The following FANCB variants were observed in gnomAD, a reference collection of about 807,000 sequenced individuals.
FANCB encodes Fanconi anemia group B protein.
In FANCB, 5 loss-of-function variants were observed where a neutral mutation model predicts 38.9. The ratio of observed to expected loss-of-function variants is 0.13; its 90% CI spans 0.07 to 0.27. FANCB has a LOEUF of 0.27. FANCB is among the 10% of genes least tolerant of loss of function. The pLI is 1.00. For missense variants in FANCB, 573 were observed against 602.7 expected (o/e 0.95, Z 0.52); for synonymous variants, 236 against 215.4 (o/e 1.10, Z -0.84).
At chrX:14,732,877 G>A in the FANCB span, among the ~76,000 whole-genome samples, 1 of 111,947 alleles carries the variant, frequency 8.9e-6, no homozygotes, top group Non-Finnish European at 1.9e-5. Flanking sequence ...GAGCTCTTTA[G>A]TTTAATTAGA....
At chrX:14,835,919 T>C (rs937902202), downstream of FANCB, 3 of 112,506 alleles carry the variant, frequency 2.7e-5, no homozygotes, top group Admixed American at 1.9e-4. Flanking sequence ...ATCTCACTTC[T>C]GTGTATATAT....
the FANCB span, among the ~76,000 whole-genome samples, chrX:14,788,613 C>T: frequency 8.9e-6 from 1 of 112,326 alleles, no homozygotes; most frequent in South Asian, 3.7e-4. Context: ...TGCAAAATCC[C>T]AGCCTCAGCA....
At chrX:14,732,263 T>A in the FANCB span, among the ~76,000 whole-genome samples, 1 of 112,355 alleles carries the variant, frequency 8.9e-6, no homozygotes, top group Non-Finnish European at 1.9e-5. Context: ...ATGTGCCACA[T>A]TTTCTTTATC....
the FANCB span, among the ~76,000 whole-genome samples, chrX:14,732,744 A>G: frequency 1.8e-5 from 2 of 111,549 alleles, no homozygotes; most frequent in Admixed American, 1.9e-4. Context: ...TTTCCTGTAA[A>G]TTTGTTTAAG....
At chrX:14,693,045 CA>C in the FANCB span, among the ~76,000 whole-genome samples, 7,312 of 73,035 alleles carry the variant, frequency 0.1, 227 homozygotes, top group Middle Eastern at 0.14. Flanking sequence ...AGTATAATAA[CA>C]AAAAAAAAAA....
chrX:14,717,157 T>C, the FANCB span, among the ~76,000 whole-genome samples: 3 of 110,610 alleles, frequency 2.7e-5, no homozygotes, highest in Non-Finnish European at 5.7e-5. Flanking sequence ...CTGCCGATGG[T>C]CAATAAATTG....
At chrX:14,794,506 AT>A in the FANCB span, among the ~76,000 whole-genome samples, 1 of 112,333 alleles carries the variant, frequency 8.9e-6, no homozygotes, top group Non-Finnish European at 1.9e-5. Flanking sequence ...ATGGAAGACA[AT>A]TAAACTGCCA....
Position 14,848,302 on chromosome X carries a change from G to A in FANCB, c.1496+2203C>T, listed in dbSNP as rs148447044. On this transcript the variant is annotated intron_variant, in intron 7 of 9. Transcript: ENST00000650831. ...CCCTCCAGAGAGCCTATGAATGGAC[G>A]TGCAGTCAGGGAGGTTTCACATCAC... Among the ~76,000 whole-genome samples, 1,110 of 112,119 alleles carry A rather than the reference G, an allele frequency of 9.9e-3. 8 individuals are homozygous for A. Among genetic ancestry groups the A allele is most frequent in the Non-Finnish European group, 0.014 (767 of 53,168 alleles).
chrX:14,779,954 T>C, the FANCB span, among the ~76,000 whole-genome samples: 7 of 111,246 alleles, frequency 6.3e-5, no homozygotes, highest in Non-Finnish European at 1.3e-4. Context: ...TCCAAGTGTG[T>C]TACTAAGTAA....
At chrX:14,857,730 T>C (rs1012786819) in intron 5 of FANCB, 132 bp downstream of exon 5, 2 of 527,917 alleles carry the variant, frequency 3.8e-6, no homozygotes, top group African/African-American at 4.7e-5. Context: ...GCCAAAAAGA[T>C]AAAGATCCTT....
chrX:14,783,230 G>A, the FANCB span, among the ~76,000 whole-genome samples: 2 of 112,207 alleles, frequency 1.8e-5, no homozygotes, highest in African/African-American at 3.2e-5. Context: ...GAATCTGATC[G>A]AATCCAAGTT....
rs187030364 is a variant in FANCB, at chrX:14,867,951, A to C, written c.-71+972T>G. On this transcript the variant is annotated intron_variant, in intron 2 of 9. Coordinates refer to ENST00000650831, the MANE Select transcript of FANCB (RefSeq NM_001018113.3). ...CAAATGGTCAAAAGGTACACACACA[A>C]AAAAAATGCTCAATATCACTAATCA... is the stretch of plus-strand genomic sequence containing the variant. Among the ~76,000 whole-genome samples, 52 of 111,321 alleles carry C rather than the reference A, an allele frequency of 4.7e-4. No homozygotes were observed. In the East Asian group the frequency reaches 8.1e-3, roughly 17 times the overall value.
chrX:14,828,079 A>AAT, the FANCB span, among the ~76,000 whole-genome samples: 1 of 112,385 alleles, frequency 8.9e-6, no homozygotes, highest in South Asian at 3.6e-4. Flanking sequence ...TAAAAACCAT[A>AAT]ATATATATAA....
the FANCB span, among the ~76,000 whole-genome samples, chrX:14,762,166 C>T: frequency 4.1e-4 from 45 of 110,966 alleles, no homozygotes; most frequent in African/African-American, 1.1e-3. Context: ...ATGGGCAAAA[C>T]GGAAGAATGC....
the FANCB span, among the ~76,000 whole-genome samples, chrX:14,814,727 G>A: frequency 1.9e-4 from 21 of 112,306 alleles, no homozygotes; most frequent in Non-Finnish European, 3.6e-4. Flanking sequence ...TGGTGGGAAC[G>A]TAAACTAGTT....
chrX:14,870,931 T>C (rs771807598), intron 1 of FANCB, among the ~76,000 whole-genome samples: 19 of 111,908 alleles, frequency 1.7e-4, no homozygotes, highest in Non-Finnish European at 3.6e-4. Context: ...AACATAATTT[T>C]ATGAAGATAA....
intron 5 of FANCB, among the ~76,000 whole-genome samples, chrX:14,855,471 C>T (rs1281938330): frequency 8.9e-6 from 1 of 111,933 alleles, no homozygotes; most frequent in Non-Finnish European, 1.9e-5. Context: ...CCTTCCTTCC[C>T]TTAATGTTGT....
chrX:14,749,680 T>C, the FANCB span, among the ~76,000 whole-genome samples: 1 of 111,938 alleles, frequency 8.9e-6, no homozygotes, highest in African/African-American at 3.2e-5. Context: ...GCAAATCCAG[T>C]GATAATTCTC....
At chrX:14,784,513 T>C in the FANCB span, among the ~76,000 whole-genome samples, 5 of 112,120 alleles carry the variant, frequency 4.5e-5, no homozygotes, top group African/African-American at 1.6e-4. Flanking sequence ...CTTAGTAAGA[T>C]CTTTGTGCTG....
Sources: allele counts gnomAD v4.1 joint callset (sites outside exome capture counted in the v4.1 genomes callset), GRCh38; gene constraint gnomAD v4.1.1; transcripts MANE v1.5; gene names NCBI Gene and HGNC (gene_info 2026-07-23, HGNC 2026-07-21).